ACYP2: variants seen among roughly 807,000 people sequenced by gnomAD.
The protein encoded by ACYP2 is acylphosphatase-2.
ACYP2 carries 12 observed loss-of-function variants against 11.2 expected under a neutral mutation model. The ratio of observed to expected loss-of-function variants is 1.08; its 90% CI spans 0.69 to 1.74. The LOEUF is 1.74. Among genes scored for constraint, ACYP2 ranks in the 40% most tolerant of loss-of-function variants. The pLI is 0.00. For missense variants in ACYP2, 134 were observed against 101.9 expected, an observed-to-expected ratio of 1.31 and a Z score of -1.35; for synonymous variants, 43 against 32.2, an observed-to-expected ratio of 1.33 and a Z score of -1.13.
At chr2:54,202,625 T>G (rs574169939) in intron 6 of ACYP2, among the ~76,000 whole-genome samples, 76 of 136,916 alleles carry the variant, frequency 5.6e-4, no homozygotes, top group Middle Eastern at 4.4e-3. Context: ...CCGGGTTGGT[T>G]TCGAACTCCT....
chr2:54,099,523 A>G (rs1222674700), intron 4 of ACYP2, among the ~76,000 whole-genome samples: 2 of 152,122 alleles, frequency 1.3e-5, no homozygotes, highest in Admixed American at 6.6e-5. Context: ...TATGGGTGAG[A>G]TCATGCGATA....
At chr2:54,243,030 A>G (rs181704187) in intron 6 of ACYP2, among the ~76,000 whole-genome samples, 34 of 152,338 alleles carry the variant, frequency 2.2e-4, no homozygotes, top group Admixed American at 5.9e-4. Context: ...GAATTTGTGG[A>G]TTAAAGTGAT....
intron 2 of ACYP2, among the ~76,000 whole-genome samples, chr2:54,022,937 C>T (rs1674081523): frequency 6.6e-6 from 1 of 152,154 alleles, no homozygotes; most frequent in South Asian, 2.1e-4. Flanking sequence ...TTCATCAAAC[C>T]TAGTGTTAAA....
At chr2:54,255,983 CCT>C in intron 6 of ACYP2, 1 of 1,614,194 alleles carries the variant, frequency 6.2e-7, no homozygotes, top group Non-Finnish European at 8.5e-7. Flanking sequence ...GCGACCCCCT[CCT>C]CTGGAAGCCG....
intron 4 of ACYP2, among the ~76,000 whole-genome samples, chr2:54,115,016 T>C (rs1572784904): frequency 1.4e-5 from 2 of 140,882 alleles, no homozygotes; most frequent in African/African-American, 2.7e-5. Context: ...TGGAGTGGGG[T>C]GGGGGACCTG....
At chr2:54,136,881 C>T (rs560138240) in intron 5 of ACYP2, among the ~76,000 whole-genome samples, 1 of 152,132 alleles carries the variant, frequency 6.6e-6, no homozygotes, top group South Asian at 2.1e-4. Flanking sequence ...GAGGCTGAGG[C>T]AGGAGAATCG....
intron 2 of ACYP2, among the ~76,000 whole-genome samples, chr2:54,050,758 C>A (rs113832122): frequency 6.6e-6 from 1 of 151,802 alleles, no homozygotes; most frequent in Non-Finnish European, 1.5e-5. Context: ...TTATCAAATT[C>A]CTTTGTCTTT....
intron 2 of ACYP2, among the ~76,000 whole-genome samples, chr2:53,988,109 A>G (rs1672117756): frequency 3.9e-5 from 6 of 152,252 alleles, no homozygotes; most frequent in Admixed American, 3.9e-4. Context: ...GCGCACCTGT[A>G]ATCCCAGTGA....
At chr2:54,156,601 T>C (rs1261628506) in intron 6 of ACYP2, among the ~76,000 whole-genome samples, 3 of 152,246 alleles carry the variant, frequency 2.0e-5, no homozygotes, top group Non-Finnish European at 4.4e-5. Flanking sequence ...GTTCATTTCT[T>C]TTTATGGCTG....
intron 2 of ACYP2, among the ~76,000 whole-genome samples, chr2:53,976,653 T>C (rs1014615625): frequency 2.0e-5 from 3 of 152,190 alleles, no homozygotes; most frequent in African/African-American, 7.2e-5. Flanking sequence ...GAATATTAGA[T>C]CTGAGAAATG....
chr2:54,300,036 C>T (rs892621375), intron 6 of ACYP2, among the ~76,000 whole-genome samples: 5 of 152,222 alleles, frequency 3.3e-5, no homozygotes, highest in Non-Finnish European at 7.3e-5. Flanking sequence ...CCTTACCTCC[C>T]TCACACTGAG....
At chr2:54,022,831 G>A (rs928280539) in intron 2 of ACYP2, among the ~76,000 whole-genome samples, 1 of 152,158 alleles carries the variant, frequency 6.6e-6, no homozygotes, top group African/African-American at 2.4e-5. Context: ...CGCCTCCCAA[G>A]AGGAATCCGA....
chr2:54,072,643 AC>A (rs1196824312), intron 4 of ACYP2, among the ~76,000 whole-genome samples: 1 of 149,576 alleles, frequency 6.7e-6, no homozygotes, highest in African/African-American at 2.5e-5. Flanking sequence ...GCTCACTGCA[AC>A]CTCTGCCCCC....
intron 6 of ACYP2, among the ~76,000 whole-genome samples, chr2:54,144,288 T>C (rs1681781644): frequency 6.6e-6 from 1 of 152,174 alleles, no homozygotes; most frequent in Non-Finnish European, 1.5e-5. Flanking sequence ...CTGATATAGT[T>C]GAGTTTTCCA....
chr2:54,258,310 G>T lies in ACYP2; in HGVS notation c.405-46378G>T, dbSNP rs1383139292. On this transcript the variant is annotated intron_variant, in intron 6 of 6. Transcript: ENST00000607452. ...TATGAGATTTTGGCAAAGAGTCAAA[G>T]AAGTTGAGGGAGTCAGCTAGTAGAA... Among the ~76,000 whole-genome samples the T allele has an allele frequency of 3.3e-5, 5 of 152,196 alleles. No individual in the cohort carries two copies. In the East Asian group the frequency reaches 9.6e-4, roughly 29 times the overall value.
At chr2:54,206,232 C>T (rs1685065862) in intron 6 of ACYP2, among the ~76,000 whole-genome samples, 1 of 152,096 alleles carries the variant, frequency 6.6e-6, no homozygotes, top group Non-Finnish European at 1.5e-5. Context: ...GCCTTGGGCT[C>T]AGTATATCGT....
chr2:54,194,315 C>T (rs1420510780), intron 6 of ACYP2, among the ~76,000 whole-genome samples: 1 of 152,152 alleles, frequency 6.6e-6, no homozygotes, highest in Non-Finnish European at 1.5e-5. Context: ...GCTGGGATTA[C>T]AGGCATGAGC....
chr2:54,290,438 A>G (rs564133390), intron 6 of ACYP2, among the ~76,000 whole-genome samples: 9 of 152,174 alleles, frequency 5.9e-5, no homozygotes, highest in Admixed American at 2.0e-4. Context: ...AAGCCGGGAA[A>G]ATACAGAGCT....
At chr2:54,270,420 G>GT (rs141609525) in intron 6 of ACYP2, among the ~76,000 whole-genome samples, 2,121 of 152,086 alleles carry the variant, frequency 0.014, 56 homozygotes, top group African/African-American at 0.047. Flanking sequence ...TTGTTTTTGT[G>GT]TTTTTTAGCC....
Sources: allele counts gnomAD v4.1 joint callset (sites outside exome capture counted in the v4.1 genomes callset), GRCh38; gene constraint gnomAD v4.1.1; transcripts MANE v1.5; gene names NCBI Gene and HGNC (gene_info 2026-07-23, HGNC 2026-07-21).